The following KSR1 variants were observed in gnomAD, a reference collection of about 807,000 sequenced individuals.
KSR1 encodes kinase suppressor of ras.
Under a neutral mutation model 92.9 loss-of-function variants are expected in KSR1, and 35 were observed. That is an observed-to-expected ratio of 0.38 (90% CI 0.29 to 0.50). KSR1 has a LOEUF of 0.50. Ranked by LOEUF, KSR1 falls within the 20% of genes least tolerant of loss-of-function variation. The pLI is 0.94. For synonymous variants in KSR1, 467 were observed against 472.6 expected (o/e 0.99, Z 0.15); for missense variants, 972 against 1,158.5 (o/e 0.84, Z 2.34).
intron 1 of KSR1, among the ~76,000 whole-genome samples, chr17:27,515,612 T>A (rs79412860): frequency 4.4e-4 from 55 of 124,840 alleles, no homozygotes; most frequent in African/African-American, 1.9e-3. Context: ...TGCTTCGTAG[T>A]TTTTTTTTTT....
At chr17:27,515,386 AG>A (rs1169444233) in intron 1 of KSR1, among the ~76,000 whole-genome samples, 1 of 152,172 alleles carries the variant, frequency 6.6e-6, no homozygotes, top group Non-Finnish European at 1.5e-5. Context: ...GTTCACACAA[AG>A]CCAAAATCAC....
chr17:27,613,736 G>A (rs1259210313), intron 18 of KSR1, among the ~76,000 whole-genome samples: 6 of 152,250 alleles, frequency 3.9e-5, no homozygotes, highest in Non-Finnish European at 8.8e-5. Context: ...GCTCCTGGCT[G>A]TGGCTGCAGC....
chr17:27,585,603 A>G, intron 4 of KSR1, 54 bp from the exon 5 acceptor site: 1 of 735,442 alleles, frequency 1.4e-6, no homozygotes, highest in Non-Finnish European at 2.5e-6. Flanking sequence ...TTCTAGGAAC[A>G]CGCCGAGCCA....
chr17:27,541,971 T>C (rs1446246201), intron 1 of KSR1, among the ~76,000 whole-genome samples: 3 of 152,242 alleles, frequency 2.0e-5, no homozygotes, highest in Non-Finnish European at 4.4e-5. Flanking sequence ...TTTGTTTTTC[T>C]TTACTCAATG....
chr17:27,568,106 T>C (rs1430933390), intron 2 of KSR1, among the ~76,000 whole-genome samples: 1 of 152,234 alleles, frequency 6.6e-6, no homozygotes, highest in East Asian at 1.9e-4. Context: ...GAAGTTGTTT[T>C]CAAGGTTTCT....
intron 9 of KSR1, among the ~76,000 whole-genome samples, 194 bp downstream of exon 9, chr17:27,592,820 G>A (rs141906424): frequency 3.3e-5 from 5 of 152,310 alleles, no homozygotes; most frequent in Middle Eastern, 3.4e-3. Context: ...TGGTACAGCC[G>A]TGATTCCCAG....
chr17:27,550,466 A>C, intron 1 of KSR1, 102 bp from the exon 2 acceptor site: 1 of 709,108 alleles, frequency 1.4e-6, no homozygotes, highest in Non-Finnish European at 2.6e-6. Context: ...TTCCCTCATC[A>C]CATTGCTTGT....
intron 1 of KSR1, among the ~76,000 whole-genome samples, chr17:27,503,988 C>T (rs1408678655): frequency 6.6e-6 from 1 of 152,166 alleles, no homozygotes; most frequent in African/African-American, 2.4e-5. Flanking sequence ...AAGAACAAAA[C>T]AAGAAGTTGG....
In KSR1 at chr17:27,539,710, C is replaced by T. The variant is rs569572752; in HGVS notation, c.232-10858C>T. On this transcript the variant is annotated intron_variant, in intron 1 of 20. Transcript: ENST00000644974. Reference sequence around the variant, plus strand: ...TGTCTTTCTTTCTCATGATTTAGTCCTGTTGGTCCCCACAGCCCCTAAGGA... The same window carrying T: ...TGTCTTTCTTTCTCATGATTTAGTCTTGTTGGTCCCCACAGCCCCTAAGGA... 2.6e-5 allele frequency among the ~76,000 whole-genome samples: 4 copies of T among 152,282 alleles called. No individual in the cohort carries two copies. In the East Asian group the frequency reaches 7.7e-4, roughly 29 times the overall value.
Position 27,468,678 on chromosome 17 carries a change from G to A in KSR1, c.231+11804G>A, listed in dbSNP as rs141973507. Among the ~76,000 whole-genome samples, 309 of 152,288 alleles carry A rather than the reference G, an allele frequency of 2.0e-3. 1 individual carries two copies. Among genetic ancestry groups the A allele is most frequent in the African/African-American group, 6.9e-3 (285 of 41,558 alleles). On this transcript the variant is annotated intron_variant, in intron 1 of 20. Transcript: ENST00000644974. ...GAGCTGTACCTATCTCAGCAGGCTGGGAGGAATCTCTGTGTTTTCCTATGA... is the reference window on the plus strand; with the variant it reads ...GAGCTGTACCTATCTCAGCAGGCTGAGAGGAATCTCTGTGTTTTCCTATGA...
intron 4 of KSR1, among the ~76,000 whole-genome samples, chr17:27,585,133 C>T (rs2072918602): frequency 6.6e-6 from 1 of 152,204 alleles, no homozygotes. Context: ...CACAAGGTTT[C>T]ATCACCTTGG....
intron 1 of KSR1, among the ~76,000 whole-genome samples, chr17:27,512,931 C>T (rs747613979): frequency 1.3e-5 from 2 of 152,182 alleles, no homozygotes; most frequent in Non-Finnish European, 2.9e-5. Flanking sequence ...CCTGCCAGCG[C>T]CCCCGGAGGC....
At chr17:27,540,877 A>G (rs1433800243) in intron 1 of KSR1, among the ~76,000 whole-genome samples, 1 of 152,232 alleles carries the variant, frequency 6.6e-6, no homozygotes, top group Non-Finnish European at 1.5e-5. Flanking sequence ...ATCATTTTGC[A>G]ACAAGTTGGC....
In KSR1 at chr17:27,577,726, A is replaced by G; in HGVS notation, c.520+87A>G. 8.6e-7 allele frequency: 1 copy of G among 1,167,980 alleles called. No homozygotes were observed. The highest frequency in any genetic ancestry group is 1.5e-5 in the African/African-American group (1 of 66,054). 72.4% of individuals were successfully genotyped at this position (1,167,980 alleles called of 1,614,324 possible). ...ACTATGGTGGGTGATGGAGCGGGGC[A>G]AGCGTGGCCCAGGGTTTCTGGGGCA... On this transcript the variant is annotated intron_variant, in intron 3 of 20. Transcript: ENST00000644974. This position sits in a 1 kb window ranked among gnomAD's most constrained non-coding sequence, Gnocchi z 4.5.
At chr17:27,518,331 T>C (rs1040171699) in intron 1 of KSR1, among the ~76,000 whole-genome samples, 3 of 152,226 alleles carry the variant, frequency 2.0e-5, no homozygotes, top group African/African-American at 7.2e-5. Context: ...CACTTAATAC[T>C]GGGTGGAGTA....
chr17:27,540,075 C>G (rs2070900859), intron 1 of KSR1, among the ~76,000 whole-genome samples: 1 of 152,226 alleles, frequency 6.6e-6, no homozygotes, highest in East Asian at 1.9e-4. Flanking sequence ...GCTTTTAAAC[C>G]ATAGTTGACC....
At chr17:27,460,609 G>A (rs1310101555) in intron 1 of KSR1, among the ~76,000 whole-genome samples, 1 of 152,164 alleles carries the variant, frequency 6.6e-6, no homozygotes, top group Non-Finnish European at 1.5e-5. Context: ...CTGAGCAGTT[G>A]CCCTGGAGCC....
chr17:27,531,065 C>A (rs752506819), intron 1 of KSR1, among the ~76,000 whole-genome samples: 11 of 152,212 alleles, frequency 7.2e-5, no homozygotes, highest in Non-Finnish European at 1.2e-4. Flanking sequence ...TTGTGCTGGG[C>A]GTTTCCTTGT....
At chr17:27,594,462 C>CA (rs1487774560) in intron 9 of KSR1, among the ~76,000 whole-genome samples, 2 of 152,048 alleles carry the variant, frequency 1.3e-5, no homozygotes, top group Non-Finnish European at 2.9e-5. Context: ...CCTGCATCTC[C>CA]ACCCACCTGG....
Sources: allele counts gnomAD v4.1 joint callset (sites outside exome capture counted in the v4.1 genomes callset), GRCh38; gene constraint gnomAD v4.1.1; non-coding constraint Gnocchi (gnomAD v3.1); transcripts MANE v1.5; gene names NCBI Gene and HGNC (gene_info 2026-07-23, HGNC 2026-07-21).